Variants in BLOC1S3 observed in about 807,000 individuals in gnomAD.
BLOC1S3 encodes biogenesis of lysosome-related organelles complex 1 subunit 3.
In BLOC1S3, 7 loss-of-function variants were observed where a neutral mutation model predicts 9.1. The observed-to-expected ratio is 0.77, with a 90% CI of 0.44 to 1.45. The LOEUF (loss-of-function observed/expected upper bound fraction) is 1.45, where lower values mean the gene tolerates loss of function less well. Ranked by LOEUF, BLOC1S3 falls within the 40% of genes most tolerant of loss-of-function variation. BLOC1S3 has a pLI of 0.01. For synonymous variants in BLOC1S3, 145 were observed against 158.4 expected (o/e 0.92, Z 0.64); for missense variants, 307 against 315.2 (o/e 0.97, Z 0.20).
At chr19:45,183,623 C>CTTTTTTTTTTTTTTT (rs57651816), downstream of BLOC1S3, among the ~76,000 whole-genome samples, 25 of 105,106 alleles carry the variant, frequency 2.4e-4, no homozygotes, top group African/African-American at 3.7e-4. Flanking sequence ...CTTTTCTTTT[C>CTTTTTTTTTTTTTTT]TTTTTTTTTT....
intron 2 of BLOC1S3, among the ~76,000 whole-genome samples, chr19:45,192,704 A>C (rs1474258772): frequency 2.0e-5 from 3 of 152,098 alleles, no homozygotes; most frequent in Admixed American, 6.6e-5. Context: ...TGTTTCTAGA[A>C]ATCGCCTTGA....
At chr19:45,204,453 A>C (rs1311147397) in intron 3 of BLOC1S3, among the ~76,000 whole-genome samples, 3 of 151,702 alleles carry the variant, frequency 2.0e-5, no homozygotes, top group Non-Finnish European at 4.4e-5. Context: ...TCAGCCTCCC[A>C]AAATGCTGGG....
intron 3 of BLOC1S3, among the ~76,000 whole-genome samples, chr19:45,207,815 CAT>C (rs1180595668): frequency 1.3e-5 from 2 of 152,284 alleles, no homozygotes; most frequent in South Asian, 4.1e-4. Context: ...CATACACACA[CAT>C]GTGCACAGGT....
chr19:45,192,570 G>A (rs1190095996), intron 2 of BLOC1S3, among the ~76,000 whole-genome samples: 1 of 152,166 alleles, frequency 6.6e-6, no homozygotes, highest in Non-Finnish European at 1.5e-5. Context: ...CTCACTCAAG[G>A]CCCACACGGA....
chr19:45,209,808 C>T (rs941631856), intron 3 of BLOC1S3, among the ~76,000 whole-genome samples: 5 of 151,744 alleles, frequency 3.3e-5, no homozygotes, highest in Non-Finnish European at 7.4e-5. Context: ...CTTTGCTCAC[C>T]GCAACCTCTG....
Position 45,207,054 on chromosome 19 carries a change from C to A in BLOC1S3, n.282+4547C>A, listed in dbSNP as rs1599756444. On this transcript the variant is annotated intron_variant and non_coding_transcript_variant, in intron 3 of 3. Transcript: ENST00000591569. ...GTTTCACCATGTTGGCCAGGCTGGT[C>A]TTGAACTCCTGACCTCAAGTGATCC... 2.6e-5 allele frequency among the ~76,000 whole-genome samples: 4 copies of A among 152,136 alleles called. No individual in the cohort carries two copies. In the South Asian group the frequency reaches 8.3e-4, roughly 32 times the overall value.
chr19:45,183,889 C>G (rs1275667126), downstream of BLOC1S3, among the ~76,000 whole-genome samples: 5 of 151,978 alleles, frequency 3.3e-5, no homozygotes, highest in Non-Finnish European at 5.9e-5. Context: ...CCTGCCTCTG[C>G]CTCCCAAAGT....
chr19:45,214,224 C>T (rs760454836), intron 3 of BLOC1S3, among the ~76,000 whole-genome samples: 1 of 152,158 alleles, frequency 6.6e-6, no homozygotes, highest in Admixed American at 6.6e-5. Flanking sequence ...TCAGAACTGA[C>T]CACCCTGAAT....
intron 3 of BLOC1S3, among the ~76,000 whole-genome samples, chr19:45,207,797 T>C (rs1210961386): frequency 6.6e-6 from 1 of 152,122 alleles, no homozygotes; most frequent in East Asian, 1.9e-4. Context: ...TGCACACGCA[T>C]ACACCTGCAT....
chr19:45,206,450 G>GTTGTTTTTTTTTTTTTTTT (rs1969726383), intron 3 of BLOC1S3, among the ~76,000 whole-genome samples: 1 of 55,152 alleles, frequency 1.8e-5, no homozygotes, highest in Non-Finnish European at 3.1e-5. Flanking sequence ...GATTAATCAA[G>GTTGTTTTTTTTTTTTTTTT]TTTTTTTTTT....
chr19:45,191,551 C>G (rs976293946), intron 2 of BLOC1S3, among the ~76,000 whole-genome samples: 1 of 152,214 alleles, frequency 6.6e-6, no homozygotes, highest in Non-Finnish European at 1.5e-5. Flanking sequence ...CTTGTCTGTA[C>G]TCATCCTTCT....
intron 3 of BLOC1S3, among the ~76,000 whole-genome samples, chr19:45,203,208 A>C (rs892696916): frequency 4.6e-5 from 7 of 152,074 alleles, no homozygotes; most frequent in Non-Finnish European, 8.8e-5. Context: ...GAGCCCAGCA[A>C]GGCACCAGGA....
At chr19:45,196,625 G>A (rs1220910533) in intron 2 of BLOC1S3, among the ~76,000 whole-genome samples, 1 of 152,174 alleles carries the variant, frequency 6.6e-6, no homozygotes, top group African/African-American at 2.4e-5. Context: ...GGGAGCGGTG[G>A]CTCACGCCTG....
intron 2 of BLOC1S3, among the ~76,000 whole-genome samples, chr19:45,192,767 G>T (rs977266107): frequency 6.6e-6 from 1 of 152,006 alleles, no homozygotes; most frequent in South Asian, 2.1e-4. Context: ...GCTATCCTAC[G>T]GTGGCTGAGC....
chr19:45,213,707 G>C (rs533988892), intron 3 of BLOC1S3, among the ~76,000 whole-genome samples: 87 of 152,124 alleles, frequency 5.7e-4, no homozygotes, highest in African/African-American at 2.0e-3. Flanking sequence ...CACTTTGGGG[G>C]GCCAAGGCAG....
At chr19:45,201,302 C>T (rs768791671) in intron 2 of BLOC1S3, among the ~76,000 whole-genome samples, 3 of 152,134 alleles carry the variant, frequency 2.0e-5, no homozygotes, top group Non-Finnish European at 2.9e-5. Flanking sequence ...TCTTCTCTTC[C>T]CTTACTTTCT....
intron 3 of BLOC1S3, among the ~76,000 whole-genome samples, chr19:45,205,145 C>T (rs1969717484): frequency 6.7e-6 from 1 of 149,252 alleles, no homozygotes; most frequent in African/African-American, 2.5e-5. Flanking sequence ...CATGACCCAA[C>T]TCTATGCTGC....
intron 3 of BLOC1S3, among the ~76,000 whole-genome samples, chr19:45,204,573 G>A (rs74484694): frequency 0.021 from 3,251 of 152,218 alleles, 140 homozygotes; most frequent in African/African-American, 0.073. Flanking sequence ...CAAAGGCTCA[G>A]CTGGGCTGGA....
chr19:45,209,599 T>A (rs1401370432), intron 3 of BLOC1S3, among the ~76,000 whole-genome samples: 2 of 151,982 alleles, frequency 1.3e-5, no homozygotes, highest in African/African-American at 2.4e-5. Context: ...TTTTTTGTAT[T>A]TTTAGTAGAG....
Sources: gnomAD v4.1 joint callset for allele counts (sites outside exome capture counted in the v4.1 genomes callset) on GRCh38, gnomAD v4.1.1 for gene constraint, MANE v1.5 for transcripts, NCBI Gene and HGNC (gene_info 2026-07-23, HGNC 2026-07-21) for gene names.